Variants in PRKN observed in about 807,000 individuals in gnomAD.
PRKN encodes the protein parkin RBR E3 ubiquitin protein ligase.
A neutral mutation model predicts 59.5 loss-of-function variants in PRKN; 56 were observed. The observed-to-expected ratio is 0.94, with a 90% CI of 0.76 to 1.18. The LOEUF (loss-of-function observed/expected upper bound fraction) is 1.18. Ranked by LOEUF, PRKN falls within the 50% of genes most tolerant of loss-of-function variation. The pLI, the probability that PRKN is intolerant of heterozygous loss-of-function variation, is 0.00. For synonymous variants in PRKN, 250 were observed against 222.1 expected, an observed-to-expected ratio of 1.13 and a Z score of -1.12; for missense variants, 657 against 596.4, an observed-to-expected ratio of 1.10 and a Z score of -1.06.
chr6:162,612,586 A>C (rs1371092748), intron 1 of PRKN, among the ~76,000 whole-genome samples: 1 of 122,346 alleles, frequency 8.2e-6, no homozygotes, highest in Admixed American at 9.2e-5. Flanking sequence ...AACAAGAGTG[A>C]AACTCCATCT....
chr6:162,049,160 A>G (rs1777510997), intron 5 of PRKN, among the ~76,000 whole-genome samples: 1 of 152,096 alleles, frequency 6.6e-6, no homozygotes, highest in South Asian at 2.1e-4. Flanking sequence ...CTATCTACTA[A>G]GATTATCTTT....
intron 7 of PRKN, among the ~76,000 whole-genome samples, chr6:161,706,711 C>T (rs1456782872): frequency 1.3e-5 from 2 of 152,146 alleles, no homozygotes; most frequent in Non-Finnish European, 2.9e-5. Context: ...GCGTGTACCA[C>T]CACACACAGC....
Position 161,547,079 on chromosome 6 carries a change from C to T in PRKN, c.1083+1775G>A, listed in dbSNP as rs1296690352. On this transcript the variant is annotated intron_variant, in intron 9 of 11. Transcript: ENST00000366898. The surrounding 1 kb of genome is among the most constrained non-coding windows in gnomAD (Gnocchi z 4.0). ...AGCCACTCACGGGTGATTCCTGACT[C>T]TCAGAAACTGTGAGATGATACATTT... Among the ~76,000 whole-genome samples the T allele has an allele frequency of 1.3e-5, 2 of 152,136 alleles. No individual in the cohort carries two copies. Among genetic ancestry groups the T allele is most frequent in the Non-Finnish European group, 2.9e-5 (2 of 68,032 alleles).
chr6:161,977,691 G>T (rs540745308), intron 5 of PRKN, among the ~76,000 whole-genome samples: 71 of 151,038 alleles, frequency 4.7e-4, no homozygotes, highest in African/African-American at 1.6e-3. Context: ...GGACCACAAG[G>T]CGCCCGCCAC....
intron 6 of PRKN, among the ~76,000 whole-genome samples, chr6:161,813,009 A>C (rs1033217201): frequency 6.6e-6 from 1 of 152,226 alleles, no homozygotes; most frequent in Non-Finnish European, 1.5e-5. Flanking sequence ...CCTGAATAGG[A>C]CATGGAACCA....
chr6:161,619,274 C>T (rs1782804492), intron 7 of PRKN, among the ~76,000 whole-genome samples: 1 of 144,508 alleles, frequency 6.9e-6, no homozygotes, highest in East Asian at 2.0e-4. Context: ...GACGCAATCT[C>T]GATGCCCAGA....
At chr6:162,276,645 C>G (rs1051691761) in intron 2 of PRKN, among the ~76,000 whole-genome samples, 11 of 151,890 alleles carry the variant, frequency 7.2e-5, no homozygotes, top group African/African-American at 2.2e-4. Flanking sequence ...TATTCACTAT[C>G]TTTTTGTTTG....
intron 1 of PRKN, among the ~76,000 whole-genome samples, chr6:162,519,285 G>A (rs1777990994): frequency 6.6e-6 from 1 of 152,186 alleles, no homozygotes; most frequent in Non-Finnish European, 1.5e-5. Flanking sequence ...TGCTGTCGGA[G>A]TACAGATGCC....
chr6:162,045,154 G>A (rs1463691152), intron 5 of PRKN, among the ~76,000 whole-genome samples: 2 of 152,042 alleles, frequency 1.3e-5, no homozygotes, highest in Non-Finnish European at 2.9e-5. Flanking sequence ...TTCTCTACTC[G>A]GCTAGATTCC....
intron 6 of PRKN, among the ~76,000 whole-genome samples, chr6:161,864,805 C>CACG (rs1794048771): frequency 6.6e-6 from 1 of 151,572 alleles, no homozygotes; most frequent in African/African-American, 2.4e-5. Context: ...TACAGTCGCC[C>CACG]ACCACACCTG....
At chr6:161,877,105 T>TCC (rs1794758891) in intron 6 of PRKN, among the ~76,000 whole-genome samples, 1 of 152,140 alleles carries the variant, frequency 6.6e-6, no homozygotes, top group African/African-American at 2.4e-5. Flanking sequence ...GTCCCGACCT[T>TCC]CCCTCTTGCA....
intron 2 of PRKN, among the ~76,000 whole-genome samples, chr6:162,354,315 C>T (rs1410670786): frequency 6.6e-6 from 1 of 152,014 alleles, no homozygotes. Context: ...GCTCATGAGG[C>T]AGATAGTGGC....
chr6:162,198,639 T>C (rs1018210176), intron 4 of PRKN, among the ~76,000 whole-genome samples: 6 of 151,878 alleles, frequency 4.0e-5, no homozygotes, highest in East Asian at 2.0e-4. Context: ...CAAGTTGGCA[T>C]AGGTAAGAGC....
At chr6:161,957,436 G>GTTTTTT (rs10682757) in intron 6 of PRKN, among the ~76,000 whole-genome samples, 2 of 116,718 alleles carry the variant, frequency 1.7e-5, no homozygotes, top group African/African-American at 6.0e-5. Context: ...TTGTTTGTTT[G>GTTTTTT]TTTTTTTGAG....
chr6:162,490,241 A>G (rs533399429), intron 1 of PRKN, among the ~76,000 whole-genome samples: 1 of 152,330 alleles, frequency 6.6e-6, no homozygotes, highest in South Asian at 2.1e-4. Flanking sequence ...TCGGGGGGAA[A>G]AAGTGTGCTT....
intron 2 of PRKN, among the ~76,000 whole-genome samples, chr6:162,364,711 A>G (rs1215785917): frequency 6.6e-6 from 1 of 152,178 alleles, no homozygotes; most frequent in Non-Finnish European, 1.5e-5. Flanking sequence ...TTAAACCAGA[A>G]AATGGCTGCA....
At chr6:161,807,823 T>C (rs1485361478) in intron 6 of PRKN, among the ~76,000 whole-genome samples, 2 of 152,182 alleles carry the variant, frequency 1.3e-5, no homozygotes, top group Non-Finnish European at 2.9e-5. Context: ...TAGATCTTCA[T>C]AACATCTGCA....
At chr6:162,053,021 T>G (rs1266484442) in intron 5 of PRKN, among the ~76,000 whole-genome samples, 1 of 152,170 alleles carries the variant, frequency 6.6e-6, no homozygotes, top group African/African-American at 2.4e-5. Flanking sequence ...CGCACTCTAA[T>G]TTCATCCTGG....
chr6:161,829,016 C>A (rs1310499395), intron 6 of PRKN, among the ~76,000 whole-genome samples: 1 of 151,930 alleles, frequency 6.6e-6, no homozygotes, highest in Non-Finnish European at 1.5e-5. Flanking sequence ...CCCTTGAGGT[C>A]AGGAGTTCAA....
Sources: allele counts gnomAD v4.1 joint callset (sites outside exome capture counted in the v4.1 genomes callset), GRCh38; gene constraint gnomAD v4.1.1; non-coding constraint Gnocchi (gnomAD v3.1); transcripts MANE v1.5; gene names NCBI Gene and HGNC (gene_info 2026-07-23, HGNC 2026-07-21).